The following PALM2AKAP2 variants were observed in gnomAD, a reference collection of about 807,000 sequenced individuals.
PALM2AKAP2 encodes PALM2-AKAP2 fusion protein.
Under a neutral mutation model 71.5 loss-of-function variants are expected in PALM2AKAP2, and 37 were observed. The ratio of observed to expected loss-of-function variants is 0.52; its 90% CI spans 0.40 to 0.68. The LOEUF (loss-of-function observed/expected upper bound fraction) is 0.68, where lower values mean the gene tolerates loss of function less well. PALM2AKAP2 is among the 30% of genes least tolerant of loss of function. PALM2AKAP2 has a pLI of 0.00. For synonymous variants in PALM2AKAP2, 468 were observed against 478.8 expected (o/e 0.98, Z 0.29); for missense variants, 1,224 against 1,191.8 (o/e 1.03, Z -0.40).
chr9:109,690,989 G>A (rs938461794), intron 1 of PALM2AKAP2, among the ~76,000 whole-genome samples: 1 of 152,136 alleles, frequency 6.6e-6, no homozygotes, highest in African/African-American at 2.4e-5. Flanking sequence ...TTAGTGCCCT[G>A]TAAAGAAGCC....
At chr9:109,653,086 C>T (rs1435969628) in intron 1 of PALM2AKAP2, among the ~76,000 whole-genome samples, 4 of 152,058 alleles carry the variant, frequency 2.6e-5, no homozygotes, top group South Asian at 2.1e-4. Flanking sequence ...TTTGAATAAC[C>T]GACTTAACCT....
intron 1 of PALM2AKAP2, among the ~76,000 whole-genome samples, chr9:109,669,480 C>A (rs964788945): frequency 9.2e-5 from 14 of 151,958 alleles, no homozygotes; most frequent in African/African-American, 3.4e-4. Flanking sequence ...AATGGGGTGT[C>A]TTCCTCTTTT....
intron 2 of PALM2AKAP2, among the ~76,000 whole-genome samples, chr9:110,146,179 A>G (rs1333523367): frequency 3.9e-5 from 6 of 152,038 alleles, no homozygotes; most frequent in African/African-American, 1.2e-4. Context: ...ATTTGGGATT[A>G]CAGGCGTGAG....
intron 1 of PALM2AKAP2, among the ~76,000 whole-genome samples, chr9:109,821,110 T>C (rs895062251): frequency 6.6e-6 from 1 of 152,172 alleles, no homozygotes; most frequent in African/African-American, 2.4e-5. Flanking sequence ...TGGGTTCCAT[T>C]CCCAACTTCT....
At chr9:109,927,806 T>G (rs574175038) in intron 5 of PALM2AKAP2, among the ~76,000 whole-genome samples, 12 of 152,272 alleles carry the variant, frequency 7.9e-5, no homozygotes, top group African/African-American at 2.6e-4. Context: ...GGTGGGTTGG[T>G]TTTCACTGTC....
intron 6 of PALM2AKAP2, among the ~76,000 whole-genome samples, chr9:109,983,450 C>G (rs1254900981): frequency 1.3e-5 from 2 of 151,500 alleles, no homozygotes; most frequent in Non-Finnish European, 2.9e-5. Context: ...CCTTTTTTTC[C>G]TCTCTCTCTC....
intron 1 of PALM2AKAP2, among the ~76,000 whole-genome samples, chr9:109,734,165 A>G (rs529567628): frequency 6.6e-6 from 1 of 152,280 alleles, no homozygotes; most frequent in East Asian, 1.9e-4. Flanking sequence ...TATTCCCACT[A>G]CTGGATTATC....
At chr9:109,646,565 A>C (rs917054325) in intron 1 of PALM2AKAP2, among the ~76,000 whole-genome samples, 3 of 152,200 alleles carry the variant, frequency 2.0e-5, no homozygotes, top group African/African-American at 7.2e-5. Context: ...CAAATGAATA[A>C]ATCTAGGTTC....
chr9:109,958,437 G>A (rs896099766), intron 6 of PALM2AKAP2, among the ~76,000 whole-genome samples: 13 of 152,244 alleles, frequency 8.5e-5, no homozygotes, highest in South Asian at 2.1e-4. Context: ...TGCCTTTATC[G>A]TATGACTTAG....
chr9:109,951,166 T>C (rs886864009), intron 6 of PALM2AKAP2, among the ~76,000 whole-genome samples: 3 of 149,836 alleles, frequency 2.0e-5, no homozygotes, highest in Admixed American at 6.8e-5. Flanking sequence ...TGTAGGTTGT[T>C]GGTGAAATTT....
intron 1 of PALM2AKAP2, among the ~76,000 whole-genome samples, chr9:109,822,831 G>C (rs1828045919): frequency 6.6e-6 from 1 of 152,180 alleles, no homozygotes; most frequent in South Asian, 2.1e-4. Context: ...ATGAACATAT[G>C]TGTGCATGTG....
At chr9:109,679,462 C>G (rs538425033) in intron 1 of PALM2AKAP2, among the ~76,000 whole-genome samples, 4 of 152,218 alleles carry the variant, frequency 2.6e-5, no homozygotes, top group African/African-American at 9.6e-5. Context: ...GAAGAGAACC[C>G]ATGTATACCT....
At chr9:110,084,790 C>T (rs1390402243) in intron 1 of PALM2AKAP2, among the ~76,000 whole-genome samples, 3 of 151,768 alleles carry the variant, frequency 2.0e-5, no homozygotes, top group African/African-American at 7.3e-5. Context: ...GGCTGGAGTA[C>T]AGTGGCACGA....
chr9:109,754,730 G>A (rs953661517), intron 1 of PALM2AKAP2, among the ~76,000 whole-genome samples: 7 of 152,104 alleles, frequency 4.6e-5, no homozygotes, highest in Non-Finnish European at 1.0e-4. Flanking sequence ...ACTGAGAGGA[G>A]AAGCAAGCTC....
chr9:109,715,446 G>T (rs2208704), intron 1 of PALM2AKAP2, among the ~76,000 whole-genome samples: 2 of 152,044 alleles, frequency 1.3e-5, no homozygotes, highest in South Asian at 2.1e-4. Context: ...CTGGGCAGTC[G>T]TTCAACGTTC....
chr9:109,649,002 A>G (rs1263591468), intron 1 of PALM2AKAP2, among the ~76,000 whole-genome samples: 2 of 152,042 alleles, frequency 1.3e-5, no homozygotes, highest in Non-Finnish European at 2.9e-5. Context: ...GTCTGAGGCT[A>G]GACTATTTCT....
At chr9:109,928,871 T>G (rs868110994) in intron 5 of PALM2AKAP2, among the ~76,000 whole-genome samples, 14 of 152,104 alleles carry the variant, frequency 9.2e-5, no homozygotes, top group South Asian at 2.1e-4. Flanking sequence ...TTCACCATGT[T>G]GGCCATGCTG....
chr9:109,958,386 T>C (rs1203148518), intron 6 of PALM2AKAP2, among the ~76,000 whole-genome samples: 4 of 152,194 alleles, frequency 2.6e-5, no homozygotes, highest in Non-Finnish European at 5.9e-5. Flanking sequence ...GCAGCATTCT[T>C]GAGTGTAAAG....
intron 1 of PALM2AKAP2, among the ~76,000 whole-genome samples, chr9:109,768,946 C>T (rs886094298): frequency 2.6e-5 from 4 of 152,032 alleles, no homozygotes; most frequent in African/African-American, 7.3e-5. Flanking sequence ...ATAGTGAGAC[C>T]CTATCTCTAT....
Sources: gnomAD v4.1 joint callset for allele counts (sites outside exome capture counted in the v4.1 genomes callset) on GRCh38, gnomAD v4.1.1 for gene constraint, MANE v1.5 for transcripts, NCBI Gene and HGNC (gene_info 2026-07-23, HGNC 2026-07-21) for gene names.